CLCN3: variants seen among roughly 807,000 people sequenced by gnomAD.
The protein encoded by CLCN3 is Cl-/H+ antiporter 3.
Under a neutral mutation model 83.4 loss-of-function variants are expected in CLCN3, and 16 were observed. The observed-to-expected ratio is 0.19, with a 90% CI of 0.13 to 0.29. CLCN3 has a LOEUF of 0.29. Among genes scored for constraint, CLCN3 ranks in the 10% least tolerant of loss-of-function variants. The probability of loss-of-function intolerance (pLI) is 1.00; values close to 1 mark genes in which losing one functional copy is unlikely to be tolerated. For missense variants in CLCN3, 544 were observed against 1,006.0 expected (o/e 0.54, Z 6.21); for synonymous variants, 322 against 346.2 (o/e 0.93, Z 0.78).
chr4:169,717,345 T>G (rs987674153), intron 12 of CLCN3, among the ~76,000 whole-genome samples: 1 of 152,200 alleles, frequency 6.6e-6, no homozygotes, highest in African/African-American at 2.4e-5. Context: ...CACAGCCTTT[T>G]GCTACCTTTT....
At chr4:169,679,487 G>C (rs1300032039) in intron 2 of CLCN3, among the ~76,000 whole-genome samples, 1 of 151,802 alleles carries the variant, frequency 6.6e-6, no homozygotes, top group Non-Finnish European at 1.5e-5. Context: ...CCTAGACGGG[G>C]TGGCGGCCGG....
At chr4:169,661,573 A>T (rs1362393817) in intron 2 of CLCN3, among the ~76,000 whole-genome samples, 1 of 152,040 alleles carries the variant, frequency 6.6e-6, no homozygotes, top group African/African-American at 2.4e-5. Context: ...AGCATTATTT[A>T]TCTTGCAGTA....
At chr4:169,697,115 T>C in intron 8 of CLCN3, 74 bp from the exon 9 acceptor site, 1 of 1,093,166 alleles carries the variant, frequency 9.1e-7, no homozygotes, top group Non-Finnish European at 1.3e-6. Context: ...ATATTTACCA[T>C]TCAAGTTATA....
chr4:169,719,640 A>C (rs28374019), intron 12 of CLCN3, among the ~76,000 whole-genome samples: 12,565 of 150,930 alleles, frequency 0.083, 1,699 homozygotes, highest in African/African-American at 0.29. Flanking sequence ...ACATTAATCA[A>C]AATAGCTCTG....
At chr4:169,690,971 G>A (rs1437025873) in intron 6 of CLCN3, among the ~76,000 whole-genome samples, 1 of 151,866 alleles carries the variant, frequency 6.6e-6, no homozygotes, top group Non-Finnish European at 1.5e-5. Flanking sequence ...GTTCTTTGAC[G>A]GGTTAGTTGT....
chr4:169,674,465 G>A (rs1376071181), intron 2 of CLCN3, among the ~76,000 whole-genome samples: 1 of 152,060 alleles, frequency 6.6e-6, no homozygotes, highest in Non-Finnish European at 1.5e-5. Context: ...TTCTCCAATT[G>A]CTTTTTCTCA....
intron 3 of CLCN3, among the ~76,000 whole-genome samples, chr4:169,682,948 A>G (rs1339579512): frequency 6.6e-6 from 1 of 152,208 alleles, no homozygotes; most frequent in African/African-American, 2.4e-5. Context: ...CCCCTTGAAA[A>G]GGTCTCGGGG....
chr4:169,677,598 A>T (rs890044128), intron 2 of CLCN3, among the ~76,000 whole-genome samples: 2 of 152,186 alleles, frequency 1.3e-5, no homozygotes, highest in Non-Finnish European at 2.9e-5. Flanking sequence ...TTATTCAAGG[A>T]TTTATGCAAG....
At chr4:169,673,384 C>A (rs1373663377) in intron 2 of CLCN3, among the ~76,000 whole-genome samples, 1 of 152,138 alleles carries the variant, frequency 6.6e-6, no homozygotes, top group African/African-American at 2.4e-5. Context: ...ACTACTGTAC[C>A]TTTTTCTACC....
At chr4:169,661,263 T>C (rs1181845789) in intron 2 of CLCN3, among the ~76,000 whole-genome samples, 1 of 152,162 alleles carries the variant, frequency 6.6e-6, no homozygotes, top group Non-Finnish European at 1.5e-5. Context: ...AAATTGAACT[T>C]CAAGAAAAAT....
intron 9 of CLCN3, among the ~76,000 whole-genome samples, chr4:169,697,993 G>A (rs1166280088): frequency 2.6e-5 from 4 of 152,158 alleles, no homozygotes; most frequent in Non-Finnish European, 5.9e-5. Flanking sequence ...AACGACTTGG[G>A]AAGGGCTCAA....
intron 2 of CLCN3, among the ~76,000 whole-genome samples, chr4:169,657,885 A>C (rs1341746824): frequency 6.6e-6 from 1 of 152,140 alleles, no homozygotes; most frequent in African/African-American, 2.4e-5. Context: ...ATATGGTAAT[A>C]AAAAGTCTCT....
chr4:169,691,824 A>C (rs1732385482), intron 6 of CLCN3, among the ~76,000 whole-genome samples: 1 of 152,180 alleles, frequency 6.6e-6, no homozygotes, highest in South Asian at 2.1e-4. Flanking sequence ...ATGTAATTAT[A>C]ATCCTTATAA....
At chr4:169,681,031 C>A (rs536075023) in intron 3 of CLCN3, among the ~76,000 whole-genome samples, 101 of 152,166 alleles carry the variant, frequency 6.6e-4, no homozygotes, top group Middle Eastern at 3.4e-3. Context: ...ATACAAAATA[C>A]GTTTTTTAAA....
At chr4:169,658,443 A>T (rs900962617) in intron 2 of CLCN3, among the ~76,000 whole-genome samples, 1 of 152,068 alleles carries the variant, frequency 6.6e-6, no homozygotes, top group South Asian at 2.1e-4. Context: ...AATACCGGGA[A>T]AACTTGTGGA....
In CLCN3 at chr4:169,697,543, G is replaced by C; in HGVS notation, c.1372G>C (p.Glu458Gln). 6.2e-7 allele frequency: 1 copy of C among 1,614,206 alleles called. No homozygotes were observed. The highest frequency in any genetic ancestry group is 8.5e-7 in the Non-Finnish European group (1 of 1,180,028). The change falls in exon 9 of 13, where the codon GAG becomes CAG. Residue 458 changes from glutamate (E) to glutamine (Q), a missense_variant. Glu to Gln is a conservative substitution (Grantham distance 29). Around this residue, in one of 6 missense-constraint regions of CLCN3, gnomAD observed 194 missense variants for 341.4 expected, o/e 0.57. Coordinates refer to ENST00000513761, the MANE Select transcript of CLCN3 (RefSeq NM_001829.4). The stretch of plus-strand genomic sequence containing the variant: ...GCTAAACACCAGTGAACTGATCAAA[G>C]AGCTTTTTACAGACTGTGGTCCCCT... ...TRLNTSELIK[E>Q]LFTDCGPLES...
rs192819798 is a variant in CLCN3 at position 169,621,162 on chromosome 4, T to A, written c.-17+99T>A. On this transcript the variant is annotated intron_variant, in intron 1 of 12. Transcript: ENST00000513761. ...GCGCTCATCTTGGTTTCTCTTACAA[T>A]GTACCTACATAATGTTGAAAGGTAC... 352 of 368,772 alleles carry A rather than the reference T, an allele frequency of 9.5e-4. 4 individuals carry two copies. The highest frequency in any genetic ancestry group is 6.9e-3 in the African/African-American group (334 of 48,202). The allele number at this position is 368,772 out of a possible 1,614,324, so 22.8% of individuals were successfully genotyped here. A position where few individuals can be genotyped will look rare whatever the true frequency, so the allele number is the denominator to read the frequency against.
At chr4:169,713,518 A>G (rs957817821) in intron 12 of CLCN3, among the ~76,000 whole-genome samples, 1 of 152,228 alleles carries the variant, frequency 6.6e-6, no homozygotes, top group Non-Finnish European at 1.5e-5. Flanking sequence ...ACATTTGTAA[A>G]TAATACCTCA....
At chr4:169,677,871 A>T (rs568377457) in intron 2 of CLCN3, among the ~76,000 whole-genome samples, 2 of 151,934 alleles carry the variant, frequency 1.3e-5, no homozygotes, top group African/African-American at 4.8e-5. Context: ...GCTTATTTTC[A>T]TATTTAAAAG....
Sources: allele counts gnomAD v4.1 joint callset (sites outside exome capture counted in the v4.1 genomes callset), GRCh38; gene constraint gnomAD v4.1.1; regional missense constraint gnomAD v4.1.1; transcripts MANE v1.5; gene names NCBI Gene and HGNC (gene_info 2026-07-23, HGNC 2026-07-21).